The following XIRP2 variants were observed in gnomAD, a reference collection of about 807,000 sequenced individuals.
XIRP2 encodes the protein xin actin binding repeat containing 2.
In XIRP2, 236 loss-of-function variants were observed where a neutral mutation model predicts 277.0. The ratio of observed to expected loss-of-function variants is 0.85; its 90% CI spans 0.77 to 0.95. The LOEUF is 0.95. Ranked by LOEUF, XIRP2 falls within the 40% of genes least tolerant of loss-of-function variation. The probability of loss-of-function intolerance (pLI) is 0.00; values close to 1 mark genes in which losing one functional copy is unlikely to be tolerated. For synonymous variants in XIRP2, 1,490 were observed against 1,416.5 expected, an observed-to-expected ratio of 1.05 and a Z score of -1.17; for missense variants, 4,640 against 4,157.5, an observed-to-expected ratio of 1.12 and a Z score of -3.19.
intron 2 of XIRP2, among the ~76,000 whole-genome samples, chr2:166,951,919 G>A (rs1686044646): frequency 6.6e-6 from 1 of 152,048 alleles, no homozygotes; most frequent in East Asian, 1.9e-4. Context: ...TCCTATGAGA[G>A]GCAGGATGTA....
intron 2 of XIRP2, among the ~76,000 whole-genome samples, chr2:167,112,174 T>C (rs1009401417): frequency 4.1e-4 from 62 of 152,272 alleles, no homozygotes; most frequent in Admixed American, 5.9e-4. Flanking sequence ...ATTTCAGCTC[T>C]GATTTTGGTT....
intron 2 of XIRP2, among the ~76,000 whole-genome samples, chr2:167,012,036 T>C (rs371388527): frequency 6.6e-6 from 1 of 152,136 alleles, no homozygotes; most frequent in East Asian, 1.9e-4. Flanking sequence ...GCTGGATTCA[T>C]TAATTTTTTG....
At chr2:166,946,105 T>C (rs1035840725) in intron 2 of XIRP2, among the ~76,000 whole-genome samples, 7 of 152,320 alleles carry the variant, frequency 4.6e-5, no homozygotes, top group African/African-American at 1.7e-4. Flanking sequence ...AAGATCTTCA[T>C]CCTGTGTTTG....
intron 2 of XIRP2, among the ~76,000 whole-genome samples, chr2:167,092,988 A>G (rs1690189759): frequency 1.3e-5 from 2 of 152,140 alleles, no homozygotes; most frequent in Non-Finnish European, 2.9e-5. Flanking sequence ...TTCTAATACC[A>G]TGAGTGTACA....
chr2:167,238,392 G>T (rs143170336), intron 5 of XIRP2, among the ~76,000 whole-genome samples: 3 of 151,980 alleles, frequency 2.0e-5, no homozygotes, highest in Non-Finnish European at 2.9e-5. Context: ...TTCTAGGAAG[G>T]CCTCAACATT....
chr2:166,994,492 TAA>T (rs199932317), intron 2 of XIRP2, among the ~76,000 whole-genome samples: 2,144 of 108,780 alleles, frequency 0.02, 27 homozygotes, highest in East Asian at 0.043. Flanking sequence ...AAAAAAAAAT[TAA>T]AAAAAAAAAA....
intron 2 of XIRP2, among the ~76,000 whole-genome samples, chr2:167,103,642 A>G (rs1024039988): frequency 3.3e-5 from 5 of 152,152 alleles, no homozygotes; most frequent in African/African-American, 1.2e-4. Context: ...GAGTGGGAAA[A>G]CAGATTTGTC....
intron 2 of XIRP2, among the ~76,000 whole-genome samples, chr2:167,063,699 C>A (rs1024892676): frequency 1.3e-5 from 2 of 151,618 alleles, no homozygotes; most frequent in Non-Finnish European, 3.0e-5. Context: ...CTTAGTAATA[C>A]TTTGTTTTAA....
At chr2:167,053,770 C>T (rs1363537596) in intron 2 of XIRP2, among the ~76,000 whole-genome samples, 1 of 152,074 alleles carries the variant, frequency 6.6e-6, no homozygotes, top group Non-Finnish European at 1.5e-5. Context: ...CCAATTATTG[C>T]CCTTTGACAT....
intron 4 of XIRP2, among the ~76,000 whole-genome samples, chr2:167,212,934 A>C (rs2105392290): frequency 1.0e-5 from 1 of 99,036 alleles, no homozygotes; most frequent in African/African-American, 4.0e-5. Context: ...CACACACACC[A>C]AAAAAAATCA....
intron 2 of XIRP2, among the ~76,000 whole-genome samples, chr2:166,954,843 T>G (rs1047158817): frequency 1.1e-4 from 17 of 151,872 alleles, no homozygotes; most frequent in Non-Finnish European, 1.8e-4. Context: ...ATGTTCTTAC[T>G]TATAAGTAGG....
chr2:166,987,983 T>A (rs1327305716), intron 2 of XIRP2, among the ~76,000 whole-genome samples: 2 of 152,218 alleles, frequency 1.3e-5, no homozygotes, highest in Admixed American at 1.3e-4. Context: ...AATGGAAATA[T>A]AAAATAACCA....
intron 1 of XIRP2, among the ~76,000 whole-genome samples, chr2:166,900,735 C>T (rs1684365555): frequency 6.6e-6 from 1 of 152,080 alleles, no homozygotes; most frequent in Admixed American, 6.6e-5. Flanking sequence ...CTTTATTGCT[C>T]TCCTTGTAGC....
chr2:167,076,481 A>C (rs1211900183), intron 2 of XIRP2, among the ~76,000 whole-genome samples: 2 of 152,246 alleles, frequency 1.3e-5, no homozygotes, highest in Non-Finnish European at 2.9e-5. Flanking sequence ...AACTTGCAAA[A>C]TGATTCAAGA....
chr2:167,026,838 C>G (rs1318643559), intron 2 of XIRP2, among the ~76,000 whole-genome samples: 3 of 152,026 alleles, frequency 2.0e-5, no homozygotes, highest in East Asian at 1.9e-4. Flanking sequence ...ATGTTGGCCC[C>G]CACTCTTCTG....
intron 3 of XIRP2, among the ~76,000 whole-genome samples, chr2:167,150,163 G>T (rs1213755950): frequency 6.6e-6 from 1 of 151,762 alleles, no homozygotes; most frequent in African/African-American, 2.4e-5. Flanking sequence ...AAAAAAATCG[G>T]TAGCACTACT....
At chr2:167,159,328 T>C (rs569154338) in intron 3 of XIRP2, among the ~76,000 whole-genome samples, 1 of 152,300 alleles carries the variant, frequency 6.6e-6, no homozygotes, top group African/African-American at 2.4e-5. Context: ...ATGACAAATA[T>C]AGCCACAGAG....
At chr2:167,074,009 C>A (rs1015340437) in intron 2 of XIRP2, among the ~76,000 whole-genome samples, 6 of 152,114 alleles carry the variant, frequency 3.9e-5, no homozygotes, top group Non-Finnish European at 8.8e-5. Context: ...AGGAATATTT[C>A]TTTGATACTC....
At chr2:166,978,727 A>G (rs1213903362) in intron 2 of XIRP2, among the ~76,000 whole-genome samples, 2 of 152,180 alleles carry the variant, frequency 1.3e-5, no homozygotes, top group African/African-American at 2.4e-5. Flanking sequence ...TCACGCCTGT[A>G]ATCCCAGCAC....
Sources: gnomAD v4.1 joint callset for allele counts (sites outside exome capture counted in the v4.1 genomes callset) on GRCh38, gnomAD v4.1.1 for gene constraint, MANE v1.5 for transcripts, NCBI Gene and HGNC (gene_info 2026-07-23, HGNC 2026-07-21) for gene names.